The following SGCZ variants were observed in gnomAD, a reference collection of about 807,000 sequenced individuals.
SGCZ encodes zeta-sarcoglycan.
A neutral mutation model predicts 41.3 loss-of-function variants in SGCZ; 40 were observed. The ratio of observed to expected loss-of-function variants is 0.97; its 90% confidence interval spans 0.75 to 1.26. The LOEUF is 1.26. Ranked by LOEUF, SGCZ falls within the 50% of genes most tolerant of loss-of-function variation. SGCZ has a pLI of 0.00. For synonymous variants in SGCZ, 206 were observed against 137.5 expected (o/e 1.50, Z -3.49); for missense variants, 552 against 369.8 (o/e 1.49, Z -4.04).
At position 14,102,357 on chromosome 8, in the gene SGCZ, C is replaced by A. The variant is rs17118638; in HGVS notation, c.744+19G>T. On this transcript the variant is annotated intron_variant, in intron 7 of 7. Transcript: ENST00000382080. ...AAAGTGGGCAGTATAGGGCGAGGGT[C>A]CAACTTTCTGGGACTCACCTCCCCT... 5,939 of 1,459,884 alleles carry A rather than the reference C, an allele frequency of 4.1e-3. 237 individuals carry two copies. The African/African-American group carries it at 0.078, about 19-fold the overall frequency. 90.4% of individuals were successfully genotyped at this position (1,459,884 alleles called of 1,614,324 possible).
chr8:14,960,582 T>A (rs919479816), intron 1 of SGCZ, among the ~76,000 whole-genome samples: 1 of 152,126 alleles, frequency 6.6e-6, no homozygotes, highest in African/African-American at 2.4e-5. Context: ...GCAGCTACAA[T>A]AGTCACTGTT....
chr8:14,936,260 A>C (rs1800078988), intron 1 of SGCZ, among the ~76,000 whole-genome samples: 1 of 151,934 alleles, frequency 6.6e-6, no homozygotes, highest in African/African-American at 2.4e-5. Context: ...TTACATTCTG[A>C]TAAACCCATC....
At chr8:14,326,247 A>G (rs1403972972) in intron 2 of SGCZ, among the ~76,000 whole-genome samples, 1 of 152,010 alleles carries the variant, frequency 6.6e-6, no homozygotes, top group African/African-American at 2.4e-5. Context: ...GGTTGGGAAA[A>G]TATCTTTTAT....
At chr8:14,397,471 A>G (rs903782761) in intron 2 of SGCZ, among the ~76,000 whole-genome samples, 10 of 152,138 alleles carry the variant, frequency 6.6e-5, no homozygotes, top group Admixed American at 5.9e-4. Flanking sequence ...ATAATTATAA[A>G]TCAAGCTGTG....
chr8:14,259,827 GT>G (rs1475079748), intron 3 of SGCZ, among the ~76,000 whole-genome samples: 1 of 151,444 alleles, frequency 6.6e-6, no homozygotes, highest in South Asian at 2.1e-4. Flanking sequence ...CTTTAAAGTA[GT>G]TTTTTCCAAT....
rs944335298 is a variant in SGCZ, at chr8:14,589,731, A to G, written c.40-34805T>C. ...CCTGTAAATATTCTTAAGAAATTACAGTAAAAGAAAAACACACAGCACAAA... is the reference window on the plus strand; with the variant it reads ...CCTGTAAATATTCTTAAGAAATTACGGTAAAAGAAAAACACACAGCACAAA... On this transcript the variant is annotated intron_variant, in intron 1 of 7. Coordinates refer to ENST00000382080, the MANE Select transcript of SGCZ (RefSeq NM_139167.4). 3.9e-5 allele frequency among the ~76,000 whole-genome samples: 6 copies of G among 152,340 alleles called. 1 individual carries two copies. Among genetic ancestry groups the G allele is most frequent in the Admixed American group, 3.9e-4 (6 of 15,296 alleles).
chr8:14,889,017 C>T (rs560751986), intron 1 of SGCZ, among the ~76,000 whole-genome samples: 1 of 152,232 alleles, frequency 6.6e-6, no homozygotes, highest in South Asian at 2.1e-4. Context: ...CACAAAGTAA[C>T]ATTGTATTTT....
chr8:15,184,558 G>A (rs945094390), intron 1 of SGCZ, among the ~76,000 whole-genome samples: 1 of 151,806 alleles, frequency 6.6e-6, no homozygotes, highest in East Asian at 1.9e-4. Flanking sequence ...TGGTCCCGAA[G>A]GATTTCATCA....
Position 14,157,545 on chromosome 8 carries a change from A to G in SGCZ, c.547+7035T>C, listed in dbSNP as rs529085962. 1.6e-4 allele frequency among the ~76,000 whole-genome samples: 24 copies of G among 151,596 alleles called. No homozygotes were observed. In the South Asian group the frequency reaches 4.8e-3, roughly 30 times the overall value. On this transcript the variant is annotated intron_variant, in intron 5 of 7. Coordinates refer to ENST00000382080, the MANE Select transcript of SGCZ (RefSeq NM_139167.4). Reference sequence around the variant, plus strand: ...TTACCAAGTGATAATTTTAAATAACATTACTGTTATTTATTTGTTAGTTGT... The same window carrying G: ...TTACCAAGTGATAATTTTAAATAACGTTACTGTTATTTATTTGTTAGTTGT...
intron 1 of SGCZ, among the ~76,000 whole-genome samples, chr8:14,652,348 G>GC (rs1162160428): frequency 1.2e-5 from 1 of 81,450 alleles, no homozygotes; most frequent in African/African-American, 3.7e-5. Context: ...AAAAAAAAAG[G>GC]GGGGGGTGTG....
chr8:14,279,627 C>T (rs1325672256), intron 3 of SGCZ, among the ~76,000 whole-genome samples: 2 of 151,982 alleles, frequency 1.3e-5, no homozygotes, highest in Non-Finnish European at 2.9e-5. Context: ...CATATGTTAA[C>T]ATACCACAGT....
At chr8:14,609,801 A>G (rs958525556) in intron 1 of SGCZ, among the ~76,000 whole-genome samples, 12 of 152,204 alleles carry the variant, frequency 7.9e-5, no homozygotes, top group Non-Finnish European at 1.5e-4. Flanking sequence ...TTTAAGTAGC[A>G]CAATAGAGAA....
At chr8:14,664,969 G>A (rs1450792291) in intron 1 of SGCZ, among the ~76,000 whole-genome samples, 1 of 152,080 alleles carries the variant, frequency 6.6e-6, no homozygotes, top group African/African-American at 2.4e-5. Flanking sequence ...AGCTATTTGT[G>A]AAATACCATT....
In SGCZ at chr8:14,766,229, T is replaced by G. The variant is rs576007899; in HGVS notation, c.40-211303A>C. 2.9e-4 allele frequency among the ~76,000 whole-genome samples: 44 copies of G among 150,816 alleles called. 1 individual carries two copies. Among genetic ancestry groups the G allele is most frequent in the African/African-American group, 1.0e-3 (41 of 40,304 alleles). On this transcript the variant is annotated intron_variant, in intron 1 of 7. Transcript: ENST00000382080. ...CCCGCCTCGACTTCCCAAAGTGCTG[T>G]GATTACAGGCATGAGGCATGGCCCC...
rs1027355834 is a variant in SGCZ at position 14,967,465 on chromosome 8, C to T, written c.39+270120G>A. Among the ~76,000 whole-genome samples, 6 of 152,130 alleles carry T rather than the reference C, an allele frequency of 3.9e-5. No homozygotes were observed. In the East Asian group the frequency reaches 5.8e-4, roughly 15 times the overall value. ...ACACCTCTGTCTTCAATTATGACTT[C>T]GGTCATAAAGACTCAAAATAACTAT... is the stretch of plus-strand genomic sequence containing the variant. On this transcript the variant is annotated intron_variant, in intron 1 of 7. Transcript: ENST00000382080.
At chr8:14,915,279 A>C (rs1302792274) in intron 1 of SGCZ, among the ~76,000 whole-genome samples, 1 of 152,204 alleles carries the variant, frequency 6.6e-6, no homozygotes, top group African/African-American at 2.4e-5. Flanking sequence ...ATGGTAATTC[A>C]ACTTGGAAGA....
intron 5 of SGCZ, among the ~76,000 whole-genome samples, chr8:14,112,287 G>A (rs574719142): frequency 3.6e-5 from 5 of 140,292 alleles, no homozygotes; most frequent in Non-Finnish European, 6.1e-5. Flanking sequence ...TTTTTGTGGG[G>A]GGGGGGTGCA....
intron 1 of SGCZ, among the ~76,000 whole-genome samples, chr8:14,623,323 A>C (rs2117375894): frequency 6.6e-6 from 1 of 152,308 alleles, no homozygotes; most frequent in African/African-American, 2.4e-5. Context: ...ATAAAGAGAA[A>C]GTGCATAAAT....
At chr8:15,126,320 T>C (rs989663243) in intron 1 of SGCZ, among the ~76,000 whole-genome samples, 1 of 152,222 alleles carries the variant, frequency 6.6e-6, no homozygotes, top group African/African-American at 2.4e-5. Context: ...TATTTAGGAA[T>C]AGTGTCCAAA....
Sources: gnomAD v4.1 joint callset for allele counts (sites outside exome capture counted in the v4.1 genomes callset) on GRCh38, gnomAD v4.1.1 for gene constraint, MANE v1.5 for transcripts, NCBI Gene and HGNC (gene_info 2026-07-23, HGNC 2026-07-21) for gene names.